Variants in EMC10 observed in about 807,000 individuals in gnomAD.
The protein encoded by EMC10 is UPF0510 protein INM02.
A neutral mutation model predicts 32.2 loss-of-function variants in EMC10; 40 were observed. The ratio of observed to expected loss-of-function variants is 1.24; its 90% confidence interval spans 0.96 to 1.61. The LOEUF is 1.61. Ranked by LOEUF, EMC10 falls within the 40% of genes most tolerant of loss-of-function variation. EMC10 has a pLI of 0.00. For synonymous variants in EMC10, 178 were observed against 158.4 expected, an observed-to-expected ratio of 1.12 and a Z score of -0.93; for missense variants, 402 against 357.7, an observed-to-expected ratio of 1.12 and a Z score of -1.00.
At position 50,489,011 on chromosome 19, in the gene EMC10, G is replaced by C. The variant is rs1274406728; in HGVS notation, c.*6752G>C. ...CGAGAGGGAGATGGAGCGGTGCGGA[G>C]GGGGAGAGAGAAAGAGGGAGGGAAG... On this transcript the variant is annotated 3_prime_UTR_variant, in exon 7 of 7. Transcript: ENST00000334976. 1 of 149,284 alleles carries C rather than the reference G, an allele frequency of 6.7e-6. No homozygotes were observed. The highest frequency in any genetic ancestry group is 1.5e-5 in the Non-Finnish European group (1 of 67,434). 9.2% of individuals were successfully genotyped at this position (149,284 alleles called of 1,614,324 possible).
intron 6 of EMC10, chr19:50,481,876 G>C (rs761982110): frequency 2.5e-6 from 4 of 1,587,596 alleles, no homozygotes; most frequent in African/African-American, 1.3e-5. Flanking sequence ...CATCATCCTG[G>C]GGGGGGCCGT....
intron 3 of EMC10, 114 bp downstream of exon 3, chr19:50,479,180 C>T: frequency 1.4e-6 from 1 of 729,654 alleles, no homozygotes; most frequent in South Asian, 1.8e-5. Context: ...AGGTGGGCTC[C>T]CAGCACCACC....
At position 50,482,640 on chromosome 19, in the gene EMC10, C is replaced by G; in HGVS notation, c.*381C>G. ...TCTCTCCAGCCTCTGTGCCTTTGTT[C>G]CAGGTGGTCTCACCCTCCTGTCCCT... On this transcript the variant is annotated 3_prime_UTR_variant, in exon 7 of 7. Coordinates refer to ENST00000334976, the MANE Select transcript of EMC10 (RefSeq NM_206538.4). 1 of 484,918 alleles carries G rather than the reference C, an allele frequency of 2.1e-6. No individual in the cohort carries two copies. The highest frequency in any genetic ancestry group is 3.6e-6 in the Non-Finnish European group (1 of 276,246). 30.0% of individuals were successfully genotyped at this position (484,918 alleles called of 1,614,324 possible). A position where few individuals can be genotyped will look rare whatever the true frequency, so the allele number is the denominator to read the frequency against.
At chr19:50,477,224 G>A (rs1183616215) in intron 1 of EMC10, 1 of 152,348 alleles carries the variant, frequency 6.6e-6, no homozygotes, top group African/African-American at 2.4e-5. Context: ...TCAAAATGGT[G>A]AAACCCCGTC....
intron 6 of EMC10, 97 bp downstream of exon 6, chr19:50,481,074 C>A: frequency 1.1e-6 from 1 of 903,244 alleles, no homozygotes; most frequent in Non-Finnish European, 1.7e-6. Flanking sequence ...CTATGGTGCT[C>A]GGGCCTGCTC....
chr19:50,487,320 G>A lies in EMC10; in HGVS notation c.*5061G>A, dbSNP rs948999880. ...TCACTGAGCTCAGATAGGAGGCCAGGGATCGGCAGATTCAGGAGCCCACTC... is the reference window on the plus strand; with the variant it reads ...TCACTGAGCTCAGATAGGAGGCCAGAGATCGGCAGATTCAGGAGCCCACTC... On this transcript the variant is annotated 3_prime_UTR_variant, in exon 7 of 7. Transcript: ENST00000334976. 6.6e-6 allele frequency: 1 copy of A among 152,256 alleles called. No homozygotes were observed. Among genetic ancestry groups the A allele is most frequent in the Non-Finnish European group, 1.5e-5 (1 of 68,100 alleles). 9.4% of individuals were successfully genotyped at this position (152,256 alleles called of 1,614,324 possible).
chr19:50,482,101 C>T, intron 6 of EMC10, 48 bp from the exon 7 acceptor site: 3 of 1,399,138 alleles, frequency 2.1e-6, no homozygotes, highest in Non-Finnish European at 1.0e-6. Flanking sequence ...TCCTTCCCCT[C>T]TCTCTCTCTT....
intron 3 of EMC10, among the ~76,000 whole-genome samples, chr19:50,479,318 C>T (rs1304797756): frequency 6.6e-6 from 1 of 152,226 alleles, no homozygotes; most frequent in African/African-American, 2.4e-5. Flanking sequence ...GCTGGCAGAC[C>T]CCCTTCCCCT....
At chr19:50,479,776 G>T (rs973816039) in intron 3 of EMC10, among the ~76,000 whole-genome samples, 3 of 152,204 alleles carry the variant, frequency 2.0e-5, no homozygotes, top group African/African-American at 7.2e-5. Flanking sequence ...GCATGTAACT[G>T]GTACGTCCAG....
Position 50,482,173 on chromosome 19 carries a change from C to T in EMC10, c.703C>T (p.Leu235=). 6.5e-7 allele frequency: 1 copy of T among 1,530,800 alleles called. No homozygotes were observed. The highest frequency in any genetic ancestry group is 8.9e-7 in the Non-Finnish European group (1 of 1,123,494). 94.8% of individuals were successfully genotyped at this position (1,530,800 alleles called of 1,614,324 possible). A position where few individuals can be genotyped will look rare whatever the true frequency, so the allele number is the denominator to read the frequency against. Residue 235 remains leucine, a synonymous_variant, in exon 7 of 7, where the codon CTG becomes TTG. Coordinates refer to ENST00000334976, the MANE Select transcript of EMC10 (RefSeq NM_206538.4). ...KYWMYIIPVV[L]FLMMSGAPDT... The stretch of plus-strand genomic sequence containing the variant: ...GTGGATGTACATCATTCCCGTCGTC[C>T]TGTTCCTCATGATGTCAGGAGCGCC...
In EMC10 at chr19:50,484,069, C is replaced by T. The variant is rs915457841; in HGVS notation, c.*1810C>T. ...TTGAGGCAGAGTCTCGCTCTGTCAT[C>T]CAGGCTGGAGTACAATGGCACGATC... On this transcript the variant is annotated 3_prime_UTR_variant, in exon 7 of 7. Coordinates refer to ENST00000334976, the MANE Select transcript of EMC10 (RefSeq NM_206538.4). The T allele has an allele frequency of 8.5e-6, 1 of 117,722 alleles. No individual in the cohort carries two copies. Among genetic ancestry groups the T allele is most frequent in the Non-Finnish European group, 1.6e-5 (1 of 61,992 alleles). The allele number at this position is 117,722 out of a possible 1,614,324, so 7.3% of individuals were successfully genotyped here. A position where few individuals can be genotyped will look rare whatever the true frequency, so the allele number is the denominator to read the frequency against.
intron 1 of EMC10, chr19:50,476,950 C>A (rs770650741): frequency 2.2e-5 from 7 of 319,722 alleles, no homozygotes; most frequent in African/African-American, 4.3e-5. Flanking sequence ...GACGTCCGGG[C>A]GGTTGAAATG....
rs199737169 is a variant in EMC10 at position 50,482,167 on chromosome 19, G to A, written c.697G>A (p.Val233Ile). Residue 233 changes from valine (V) to isoleucine (I), a missense_variant, in exon 7 of 7, where the codon GTC (valine) becomes ATC (isoleucine). Transcript: ENST00000334976. ...FAKYWMYIIP[V>I]VLFLMMSGAP... ...GCTGCAGTGGATGTACATCATTCCC[G>A]TCGTCCTGTTCCTCATGATGTCAGG... 28 of 1,595,818 alleles carry A rather than the reference G, an allele frequency of 1.8e-5. No individual in the cohort carries two copies. Among genetic ancestry groups the A allele is most frequent in the African/African-American group, 2.7e-5 (2 of 74,046 alleles).
At position 50,486,872 on chromosome 19, in the gene EMC10, A is replaced by T. The variant is rs1293918363; in HGVS notation, c.*4613A>T. 1 of 152,044 alleles carries T rather than the reference A, an allele frequency of 6.6e-6. No individual in the cohort carries two copies. The highest frequency in any genetic ancestry group is 2.4e-5 in the African/African-American group (1 of 41,380). The allele number at this position is 152,044 out of a possible 1,614,324, so 9.4% of individuals were successfully genotyped here. On this transcript the variant is annotated 3_prime_UTR_variant, in exon 7 of 7. Coordinates refer to ENST00000334976, the MANE Select transcript of EMC10 (RefSeq NM_206538.4). The stretch of plus-strand genomic sequence containing the variant: ...AAAATGTTCATTTTTACAAAATATT[A>T]CAACTTCTCCCTCTCCCCTCCTTCC...
In EMC10 at chr19:50,480,100, C is replaced by T. The variant is rs766224038; in HGVS notation, c.298-11C>T. The stretch of plus-strand genomic sequence containing the variant: ...ATCCTTCTGACCAGCACCCTCTTCT[C>T]CCATCCCCAGGATGTGGCAGCCCTG... On this transcript the variant is annotated splice_polypyrimidine_tract_variant and intron_variant, in intron 3 of 6. Coordinates refer to ENST00000334976, the MANE Select transcript of EMC10 (RefSeq NM_206538.4). This position sits in a 1 kb window ranked among gnomAD's most constrained non-coding sequence, Gnocchi z 4.4. 5.6e-6 allele frequency: 9 copies of T among 1,601,876 alleles called. No homozygotes were observed. The South Asian group carries it at 1.0e-4, about 18-fold the overall frequency.
chr19:50,482,278 G>C lies in EMC10; in HGVS notation c.*19G>C, dbSNP rs764664772. On this transcript the variant is annotated 3_prime_UTR_variant, in exon 7 of 7. Coordinates refer to ENST00000334976, the MANE Select transcript of EMC10 (RefSeq NM_206538.4). ...CCGGTGAGGGCCCAGGCTGGTCAGC[G>C]TCCCGTCTTGCACACCCAGGGGCCT... 9.6e-7 allele frequency: 1 copy of C among 1,042,382 alleles called. No homozygotes were observed. The highest frequency in any genetic ancestry group is 2.6e-5 in the East Asian group (1 of 38,688). The allele number at this position is 1,042,382 out of a possible 1,614,324, so 64.6% of individuals were successfully genotyped here.
chr19:50,482,599 T>G lies in EMC10; in HGVS notation c.*340T>G. 2 of 497,590 alleles carry G rather than the reference T, an allele frequency of 4.0e-6. No homozygotes were observed. The highest frequency in any genetic ancestry group is 7.1e-6 in the Non-Finnish European group (2 of 283,572). The allele number at this position is 497,590 out of a possible 1,614,324, so 30.8% of individuals were successfully genotyped here. On this transcript the variant is annotated 3_prime_UTR_variant, in exon 7 of 7. Transcript: ENST00000334976. ...CCCCCTACCCCGAGCCCATGCAGTC[T>G]GGGAACATGCCGCCTTCTCTCCAGC...
At position 50,482,143 on chromosome 19, in the gene EMC10, C is replaced by A; in HGVS notation, c.679-6C>A. 2 of 1,567,626 alleles carry A rather than the reference C, an allele frequency of 1.3e-6. No individual in the cohort carries two copies. Among genetic ancestry groups the A allele is most frequent in the Non-Finnish European group, 1.8e-6 (2 of 1,138,708 alleles). ...TCTGTCTGTCCATCCTTCCGTCCGGCTGCAGTGGATGTACATCATTCCCGT... is the reference window on the plus strand; with the variant it reads ...TCTGTCTGTCCATCCTTCCGTCCGGATGCAGTGGATGTACATCATTCCCGT... On this transcript the variant is annotated splice_region_variant and splice_polypyrimidine_tract_variant and intron_variant, in intron 6 of 6. Transcript: ENST00000334976.
intron 1 of EMC10, chr19:50,477,304 G>T (rs2040243463): frequency 6.6e-6 from 1 of 152,456 alleles, no homozygotes; most frequent in African/African-American, 2.4e-5. Flanking sequence ...TCGGGAGGCT[G>T]AGGCAGGAGA....
Sources: gnomAD v4.1 joint callset for allele counts (sites outside exome capture counted in the v4.1 genomes callset) on GRCh38, gnomAD v4.1.1 for gene constraint, Gnocchi (gnomAD v3.1) non-coding constraint, MANE v1.5 for transcripts, NCBI Gene and HGNC (gene_info 2026-07-23, HGNC 2026-07-21) for gene names.